PALM3: variants seen among roughly 807,000 people sequenced by gnomAD.
PALM3 encodes the protein paralemmin-3.
In PALM3, 20 loss-of-function variants were observed where a neutral mutation model predicts 27.9. That is an observed-to-expected ratio of 0.72 (90% CI 0.50 to 1.04). PALM3 has a LOEUF of 1.04. Among genes scored for constraint, PALM3 ranks in the 50% least tolerant of loss-of-function variants. The probability of loss-of-function intolerance (pLI) is 0.00; values close to 1 mark genes in which losing one functional copy is unlikely to be tolerated. For missense variants in PALM3, 814 were observed against 869.4 expected (o/e 0.94, Z 0.80); for synonymous variants, 328 against 352.7 (o/e 0.93, Z 0.79).
intron 2 of PALM3, 27 bp from the exon 3 acceptor site, chr19:14,057,458 C>T: frequency 6.6e-7 from 1 of 1,504,448 alleles, no homozygotes; most frequent in Non-Finnish European, 8.9e-7. Context: ...CGGAGCTGCC[C>T]GCCGGCCGGG....
At chr19:14,057,301 C>T in intron 3 of PALM3, 50 bp downstream of exon 3, 2 of 1,409,846 alleles carry the variant, frequency 1.4e-6, no homozygotes, top group Non-Finnish European at 1.9e-6. Context: ...TGCACAGACA[C>T]CCCCCACTCC....
At chr19:14,057,596 G>T (rs1308696216) in intron 2 of PALM3, 165 bp from the exon 3 acceptor site, 2 of 403,842 alleles carry the variant, frequency 5.0e-6, no homozygotes, top group Non-Finnish European at 8.5e-6. Flanking sequence ...CACCCAGGGC[G>T]GGGAGGGGGC....
intron 5 of PALM3, among the ~76,000 whole-genome samples, chr19:14,055,739 T>C (rs916305378): frequency 2.0e-5 from 3 of 152,304 alleles, no homozygotes; most frequent in African/African-American, 7.2e-5. Flanking sequence ...TACATTCCAA[T>C]CAACATAAAT....
intron 2 of PALM3, 23 bp from the exon 3 acceptor site, chr19:14,057,454 T>A: frequency 6.6e-7 from 1 of 1,505,848 alleles, no homozygotes; most frequent in Non-Finnish European, 8.9e-7. Context: ...GACCCGGAGC[T>A]GCCCGCCGGC....
chr19:14,053,943 G>C lies in PALM3; in HGVS notation c.1729C>G (p.Leu577Val), dbSNP rs1313249917. The change falls in exon 7 of 7, where the codon CTT becomes GTT. Residue 577 changes from leucine to valine, a missense_variant. By Grantham distance (32) the Leu-to-Val change is conservative. Coordinates refer to ENST00000669674, the MANE Select transcript of PALM3 (RefSeq NM_001145028.2). The part of the protein sequence containing the change: ...AEEMNEAGPP[L>V]EANTETRPEK... ...GGCCTTGTCTCCGTGTTAGCCTCAA[G>C]GGGAGGCCCTGCCTCATTCATCTCC... 1 of 1,551,500 alleles carries C rather than the reference G, an allele frequency of 6.4e-7. No individual in the cohort carries two copies. Among genetic ancestry groups the C allele is most frequent in the Admixed American group, 2.0e-5 (1 of 50,968 alleles).
intron 2 of PALM3, among the ~76,000 whole-genome samples, chr19:14,058,864 T>C (rs1380967316): frequency 6.6e-6 from 1 of 151,206 alleles, no homozygotes; most frequent in Non-Finnish European, 1.5e-5. Context: ...CATGGGGTTT[T>C]TGGGAGGCTG....
chr19:14,055,341 G>A (rs1041863970), intron 6 of PALM3, 39 bp downstream of exon 6: 1 of 1,549,840 alleles, frequency 6.5e-7, no homozygotes, highest in African/African-American at 1.4e-5. Flanking sequence ...CAGGCTCTGG[G>A]GTGACCTGAC....
At chr19:14,061,838 G>A in intron 1 of PALM3, 102 bp downstream of exon 1, 1 of 752,250 alleles carries the variant, frequency 1.3e-6, no homozygotes, top group Non-Finnish European at 1.6e-6. Flanking sequence ...GTCCCCTTAG[G>A]AGAGACCACT....
intron 2 of PALM3, among the ~76,000 whole-genome samples, chr19:14,058,285 TG>T (rs1976352814): frequency 9.2e-6 from 1 of 108,294 alleles, no homozygotes; most frequent in Non-Finnish European, 1.9e-5. Context: ...GGTACAGAAG[TG>T]GGGTGCAGAT....
Position 14,056,499 on chromosome 19 carries a change from A to G in PALM3, c.329T>C (p.Leu110Pro), listed in dbSNP as rs1382702878. ...EDSLFTLQSQ[L>P]QLLQSASTGA... is the part of the protein sequence containing the mutation. Reference sequence around the variant, plus strand: ...TGTGGAAGCACTTTGCAACAGTTGCAGCTGGGACTGGAGTCTGAAGAAGAG... The same window carrying G: ...TGTGGAAGCACTTTGCAACAGTTGCGGCTGGGACTGGAGTCTGAAGAAGAG... Residue 110 changes from leucine (L) to proline (P), a missense_variant, in exon 5 of 7, where the codon CTG (leucine) becomes CCG (proline). By Grantham distance (98) the Leu-to-Pro change is moderately conservative. Coordinates refer to ENST00000669674, the MANE Select transcript of PALM3 (RefSeq NM_001145028.2). 20 of 1,551,470 alleles carry G rather than the reference A, an allele frequency of 1.3e-5. No homozygotes were observed. The highest frequency in any genetic ancestry group is 1.7e-5 in the Non-Finnish European group (19 of 1,146,954).
Position 14,053,517 on chromosome 19 carries a change from CCCTGTCTGTG to C in PALM3, c.*78_*87del. The C allele has an allele frequency of 2.2e-6, 3 of 1,393,354 alleles. No homozygotes were observed. 86.3% of individuals were successfully genotyped at this position (1,393,354 alleles called of 1,614,324 possible). Reference sequence around the variant, plus strand: ...CAGGTGCCATGGCCAGTCCTGTGGTCCCTGTCTGTGCCTGGGACCCTCTTCTGGGTGCCAA... The same window carrying C: ...CAGGTGCCATGGCCAGTCCTGTGGTCCCTGGGACCCTCTTCTGGGTGCCAA... On this transcript the variant is annotated 3_prime_UTR_variant, in exon 7 of 7. Transcript: ENST00000669674.
intron 5 of PALM3, among the ~76,000 whole-genome samples, chr19:14,055,731 C>T (rs754226296): frequency 6.2e-4 from 94 of 152,180 alleles, no homozygotes; most frequent in Non-Finnish European, 5.4e-4. Context: ...TTGGCACTTA[C>T]ATTCCAATCA....
At position 14,054,036 on chromosome 19, in the gene PALM3, T is replaced by G; in HGVS notation, c.1636A>C (p.Thr546Pro). The G allele has an allele frequency of 6.4e-7, 1 of 1,551,648 alleles. No homozygotes were observed. Among genetic ancestry groups the G allele is most frequent in the Non-Finnish European group, 8.7e-7 (1 of 1,146,960 alleles). ...GGEESLETEK[T>P]QGTEGDLNLE... ...TTCAGATCTCCCTCCGTCCCTTGGG[T>G]CTTCTCTGTCTCCAATGATTCCTCA... The change falls in exon 7 of 7, where the codon ACC becomes CCC. Residue 546 changes from threonine to proline, a missense_variant. Thr to Pro is a conservative substitution (Grantham distance 38). Coordinates refer to ENST00000669674, the MANE Select transcript of PALM3 (RefSeq NM_001145028.2).
At chr19:14,061,728 G>T (rs898372259) in intron 1 of PALM3, among the ~76,000 whole-genome samples, 1 of 152,110 alleles carries the variant, frequency 6.6e-6, no homozygotes, top group Non-Finnish European at 1.5e-5. Context: ...AGAGGAAGGG[G>T]CAGGGGGAGC....
At chr19:14,056,404 C>T (rs1377441803) in intron 5 of PALM3, 25 bp downstream of exon 5, 2 of 1,534,004 alleles carry the variant, frequency 1.3e-6, no homozygotes, top group Admixed American at 2.0e-5. Context: ...GCCCTCCCAT[C>T]CCACTCCCCT....
At position 14,055,385 on chromosome 19, in the gene PALM3, G is replaced by A. The variant is rs1350170422; in HGVS notation, c.440C>T (p.Ser147Phe). The A allele has an allele frequency of 1.2e-5, 19 of 1,551,398 alleles. No individual in the cohort carries two copies. Among genetic ancestry groups the A allele is most frequent in the Non-Finnish European group, 1.7e-5 (19 of 1,146,934 alleles). The change falls in exon 6 of 7, where the codon TCT (serine) becomes TTT (phenylalanine). Residue 147 changes from serine (S) to phenylalanine (F), a missense_variant. By Grantham distance (155) the Ser-to-Phe change is radical (BLOSUM62 -2). Coordinates refer to ENST00000669674, the MANE Select transcript of PALM3 (RefSeq NM_001145028.2). ...PLSQSIVEAG[S>F]VGQTDLNKRA... ...CTAGGGGCTCCCACACTTACCTACA[G>A]AACCTGCCTCGACAATGGACTGGGA...
Position 14,054,762 on chromosome 19 carries a change from T to C in PALM3, c.910A>G (p.Met304Val). ...TCAGGGACCCTGCCTATCTCCCCCA[T>C]GGCCTCTGCATCACTGCCACCCACC... ...EGVGGSDAEA[M>V]GEIGRVPEVV... is the part of the protein sequence containing the mutation. The change falls in exon 7 of 7, where the codon ATG becomes GTG. Residue 304 changes from methionine to valine, a missense_variant. Transcript: ENST00000669674. 2 of 1,551,804 alleles carry C rather than the reference T, an allele frequency of 1.3e-6. No homozygotes were observed. Among genetic ancestry groups the C allele is most frequent in the Admixed American group, 2.0e-5 (1 of 50,994 alleles).
rs1976267591 is a variant in PALM3, at chr19:14,054,772, A to T, written c.900T>A (p.Asp300Glu). 1.3e-6 allele frequency: 2 copies of T among 1,551,502 alleles called. No individual in the cohort carries two copies. Among genetic ancestry groups the T allele is most frequent in the Middle Eastern group, 3.3e-4 (2 of 5,992 alleles). ...EVVWEGVGGS[D>E]AEAMGEIGRV... is the part of the protein sequence containing the mutation. The stretch of plus-strand genomic sequence containing the variant: ...TGCCTATCTCCCCCATGGCCTCTGC[A>T]TCACTGCCACCCACCCCCTCCCAGA... Residue 300 changes from aspartate to glutamate, a missense_variant, in exon 7 of 7, where the codon GAT (aspartate) becomes GAA (glutamate). By Grantham distance (45) the Asp-to-Glu change is conservative. Transcript: ENST00000669674.
At chr19:14,058,246 G>A (rs1482361002) in intron 2 of PALM3, among the ~76,000 whole-genome samples, 2 of 149,952 alleles carry the variant, frequency 1.3e-5, no homozygotes, top group African/African-American at 4.9e-5. Flanking sequence ...CAGAGAGATG[G>A]GGTACAGAAG....
Sources: allele counts gnomAD v4.1 joint callset (sites outside exome capture counted in the v4.1 genomes callset), GRCh38; gene constraint gnomAD v4.1.1; transcripts MANE v1.5; gene names NCBI Gene and HGNC (gene_info 2026-07-23, HGNC 2026-07-21).